Variants in MEGF11 observed in about 807,000 individuals in gnomAD.
MEGF11 encodes the protein multiple epidermal growth factor-like domains protein 11.
In MEGF11, 126 loss-of-function variants were observed where a neutral mutation model predicts 146.6. That is an observed-to-expected ratio of 0.86 (90% confidence interval 0.74 to 1.00). The LOEUF (loss-of-function observed/expected upper bound fraction) is 1.00. Among genes scored for constraint, MEGF11 ranks in the 50% least tolerant of loss-of-function variants. MEGF11 has a pLI of 0.00. For synonymous variants in MEGF11, 532 were observed against 583.4 expected, an observed-to-expected ratio of 0.91 and a Z score of 1.27; for missense variants, 1,509 against 1,521.2, an observed-to-expected ratio of 0.99 and a Z score of 0.13.
At chr15:66,193,777 A>G (rs1170402603) in intron 1 of MEGF11, among the ~76,000 whole-genome samples, 1 of 151,906 alleles carries the variant, frequency 6.6e-6, no homozygotes, top group Non-Finnish European at 1.5e-5. Flanking sequence ...CTGCCGAGCA[A>G]ACTAATATAC....
chr15:66,225,257 T>C (rs1003173376), intron 1 of MEGF11, among the ~76,000 whole-genome samples: 1 of 152,216 alleles, frequency 6.6e-6, no homozygotes, highest in Admixed American at 6.5e-5. Flanking sequence ...CCATTTCCCA[T>C]CCTGGGGAAG....
At chr15:66,020,634 G>GA (rs2083077849) in intron 5 of MEGF11, among the ~76,000 whole-genome samples, 1 of 152,194 alleles carries the variant, frequency 6.6e-6, no homozygotes, top group Admixed American at 6.5e-5. Context: ...GCATTAGGTT[G>GA]AAAGAAATGG....
intron 8 of MEGF11, among the ~76,000 whole-genome samples, chr15:65,965,592 C>CT (rs1567179999): frequency 1.8e-4 from 3 of 16,532 alleles, no homozygotes; most frequent in Admixed American, 1.0e-3. Context: ...TTCTTTCTTT[C>CT]TTTCTTTCTT....
At chr15:66,062,667 T>A (rs1270607846) in intron 5 of MEGF11, among the ~76,000 whole-genome samples, 1 of 152,170 alleles carries the variant, frequency 6.6e-6, no homozygotes, top group Admixed American at 6.5e-5. Context: ...ACAGAAATTA[T>A]GAGATAATAA....
intron 1 of MEGF11, among the ~76,000 whole-genome samples, chr15:66,175,718 C>G (rs2141130965): frequency 6.6e-6 from 1 of 152,272 alleles, no homozygotes; most frequent in Non-Finnish European, 1.5e-5. Flanking sequence ...TATAAAACTA[C>G]TAGAAGAAAA....
At chr15:66,133,797 A>C (rs1308037674) in intron 1 of MEGF11, among the ~76,000 whole-genome samples, 1 of 152,128 alleles carries the variant, frequency 6.6e-6, no homozygotes, top group East Asian at 1.9e-4. Context: ...AAAAAGAAAA[A>C]AAGTTTTAAA....
intron 1 of MEGF11, among the ~76,000 whole-genome samples, chr15:66,148,905 T>A (rs1404762075): frequency 6.6e-6 from 1 of 152,232 alleles, no homozygotes; most frequent in Non-Finnish European, 1.5e-5. Context: ...TTCCTGGACA[T>A]GGCTCTGCCA....
chr15:65,915,443 C>A (rs777112813), intron 19 of MEGF11, 27 bp downstream of exon 19: 25 of 1,611,232 alleles, frequency 1.6e-5, no homozygotes, highest in Non-Finnish European at 1.8e-5. Flanking sequence ...TTCCACAGAC[C>A]CCGGGGCTCT....
chr15:66,229,048 TC>T (rs1309731958), intron 1 of MEGF11, among the ~76,000 whole-genome samples: 2 of 152,074 alleles, frequency 1.3e-5, no homozygotes, highest in African/African-American at 2.4e-5. Context: ...CACTCTGCCC[TC>T]CCCTTTGTAA....
intron 1 of MEGF11, among the ~76,000 whole-genome samples, chr15:66,223,509 G>A (rs2091782424): frequency 1.3e-5 from 2 of 152,156 alleles, no homozygotes; most frequent in South Asian, 2.1e-4. Context: ...GATCACTTGA[G>A]GCCAGGAGTT....
chr15:66,122,503 G>C (rs1217586335), intron 3 of MEGF11, among the ~76,000 whole-genome samples: 1 of 152,128 alleles, frequency 6.6e-6, no homozygotes, highest in Non-Finnish European at 1.5e-5. Context: ...TCCTCAAAGA[G>C]GAACTGGGCT....
chr15:66,064,359 ACT>A (rs894996113), intron 5 of MEGF11, among the ~76,000 whole-genome samples: 1 of 151,818 alleles, frequency 6.6e-6, no homozygotes, highest in Non-Finnish European at 1.5e-5. Context: ...ACAGAGCAAG[ACT>A]CTGTTTGAAA....
chr15:66,080,675 T>A (rs982693456), intron 5 of MEGF11, among the ~76,000 whole-genome samples: 3 of 152,262 alleles, frequency 2.0e-5, no homozygotes, highest in Non-Finnish European at 2.9e-5. Context: ...GTCCTGGCTA[T>A]TGAATTCCTT....
chr15:66,076,907 A>T (rs757861252), intron 5 of MEGF11, among the ~76,000 whole-genome samples: 7 of 152,208 alleles, frequency 4.6e-5, no homozygotes, highest in Non-Finnish European at 8.8e-5. Context: ...AGCTACCCAG[A>T]GGGACTGGCT....
chr15:66,186,071 G>A (rs757019852), intron 1 of MEGF11, among the ~76,000 whole-genome samples: 8 of 152,128 alleles, frequency 5.3e-5, no homozygotes, highest in Non-Finnish European at 7.4e-5. Context: ...GTTCAGCTTC[G>A]CCTAGACAGA....
chr15:66,015,361 G>T (rs565974585), intron 5 of MEGF11, among the ~76,000 whole-genome samples: 5 of 152,342 alleles, frequency 3.3e-5, no homozygotes, highest in Admixed American at 6.5e-5. Flanking sequence ...TCCAGATTCT[G>T]CCACTTACTA....
At chr15:66,250,918 A>G (rs1039628757) in intron 1 of MEGF11, among the ~76,000 whole-genome samples, 7 of 150,594 alleles carry the variant, frequency 4.6e-5, no homozygotes, top group African/African-American at 7.3e-5. Flanking sequence ...AAAAAGAATG[A>G]AAAAAAAAGA....
intron 7 of MEGF11, among the ~76,000 whole-genome samples, chr15:65,972,286 C>A (rs1267749915): frequency 1.3e-5 from 2 of 152,074 alleles, no homozygotes; most frequent in Non-Finnish European, 2.9e-5. Context: ...GGATGGAGAA[C>A]CTGGGTTTCT....
intron 5 of MEGF11, among the ~76,000 whole-genome samples, chr15:66,033,952 A>C (rs1424392240): frequency 6.6e-6 from 1 of 151,944 alleles, no homozygotes; most frequent in Non-Finnish European, 1.5e-5. Context: ...CACCACACCC[A>C]GCTAATTTTT....
Sources: allele counts gnomAD v4.1 joint callset (sites outside exome capture counted in the v4.1 genomes callset), GRCh38; gene constraint gnomAD v4.1.1; transcripts MANE v1.5; gene names NCBI Gene and HGNC (gene_info 2026-07-23, HGNC 2026-07-21).